PCDH15: variants seen among roughly 807,000 people sequenced by gnomAD.
PCDH15 encodes the protein protocadherin related 15.
Under a neutral mutation model 178.5 loss-of-function variants are expected in PCDH15, and 129 were observed. That is an observed-to-expected ratio of 0.72 (90% CI 0.63 to 0.84). The LOEUF (loss-of-function observed/expected upper bound fraction) is 0.84, where lower values mean the gene tolerates loss of function less well. Among genes scored for constraint, PCDH15 ranks in the 40% least tolerant of loss-of-function variants. PCDH15 has a pLI of 0.00. For missense variants in PCDH15, 2,230 were observed against 2,099.9 expected, an observed-to-expected ratio of 1.06 and a Z score of -1.21; for synonymous variants, 800 against 732.0, an observed-to-expected ratio of 1.09 and a Z score of -1.50.
intron 2 of PCDH15, among the ~76,000 whole-genome samples, chr10:55,116,713 C>G (rs112074169): frequency 2.5e-4 from 38 of 152,190 alleles, no homozygotes; most frequent in African/African-American, 8.2e-4. Context: ...CATGCTACCC[C>G]AAAATATGAC....
At chr10:54,238,103 C>G (rs1466026380) in intron 8 of PCDH15, among the ~76,000 whole-genome samples, 1 of 152,024 alleles carries the variant, frequency 6.6e-6, no homozygotes, top group Non-Finnish European at 1.5e-5. Flanking sequence ...AGGGAAATTC[C>G]ATTACATATT....
chr10:53,900,040 C>T (rs1370767608), intron 26 of PCDH15, among the ~76,000 whole-genome samples: 5 of 152,244 alleles, frequency 3.3e-5, no homozygotes, highest in Admixed American at 3.3e-4. Context: ...TCTAACCACC[C>T]TTCAGTGCTA....
chr10:55,615,633 T>G (rs1333129287), intron 2 of PCDH15, among the ~76,000 whole-genome samples: 2 of 152,148 alleles, frequency 1.3e-5, no homozygotes, highest in Non-Finnish European at 2.9e-5. Context: ...TCTGATAGGC[T>G]GAGGCAATAA....
chr10:54,477,862 C>T (rs1389653152), intron 3 of PCDH15, among the ~76,000 whole-genome samples: 1 of 152,162 alleles, frequency 6.6e-6, no homozygotes, highest in East Asian at 1.9e-4. Flanking sequence ...GGATTACAGG[C>T]ATGAGCTACT....
At chr10:55,024,450 T>C (rs1840425645) in intron 2 of PCDH15, among the ~76,000 whole-genome samples, 1 of 96,788 alleles carries the variant, frequency 1.0e-5, no homozygotes, top group Non-Finnish European at 2.3e-5. Context: ...ATATTATATA[T>C]ATATACACAC....
At chr10:55,622,120 AAT>A (rs1376401128) in intron 2 of PCDH15, among the ~76,000 whole-genome samples, 3 of 66,130 alleles carry the variant, frequency 4.5e-5, no homozygotes, top group Non-Finnish European at 6.5e-5. Context: ...TATATCTATA[AAT>A]ATATATATTA....
chr10:54,308,896 T>C (rs1011197395), intron 8 of PCDH15, among the ~76,000 whole-genome samples: 1 of 152,034 alleles, frequency 6.6e-6, no homozygotes, highest in African/African-American at 2.4e-5. Context: ...TGTGCGATTG[T>C]TGATGGGAAG....
chr10:55,199,784 G>T (rs1453059582), intron 1 of PCDH15, among the ~76,000 whole-genome samples: 1 of 152,078 alleles, frequency 6.6e-6, no homozygotes, highest in African/African-American at 2.4e-5. Flanking sequence ...CTCCAGCCGT[G>T]GCTGAAAGGT....
intron 2 of PCDH15, among the ~76,000 whole-genome samples, chr10:54,989,461 C>T (rs1254373337): frequency 6.6e-6 from 1 of 152,226 alleles, no homozygotes; most frequent in East Asian, 1.9e-4. Flanking sequence ...TGCAAAGCCA[C>T]AGGGGCAGAG....
At chr10:54,038,682 C>T (rs1204219686) in intron 18 of PCDH15, among the ~76,000 whole-genome samples, 2 of 151,886 alleles carry the variant, frequency 1.3e-5, no homozygotes, top group Non-Finnish European at 2.9e-5. Context: ...CTCTTTACTC[C>T]TTCATCCCTA....
chr10:55,197,716 T>C (rs1309145333), intron 1 of PCDH15, among the ~76,000 whole-genome samples: 2 of 152,082 alleles, frequency 1.3e-5, no homozygotes, highest in South Asian at 2.1e-4. Flanking sequence ...AAATAGCAAG[T>C]GTTTATTCCT....
intron 8 of PCDH15, among the ~76,000 whole-genome samples, chr10:54,243,419 A>T (rs563674142): frequency 1.3e-5 from 2 of 152,270 alleles, no homozygotes; most frequent in East Asian, 3.9e-4. Flanking sequence ...AGGCAGGAGA[A>T]TGGCGTGAAC....
At chr10:54,762,681 A>C (rs1424504560) in intron 1 of PCDH15, among the ~76,000 whole-genome samples, 1 of 152,104 alleles carries the variant, frequency 6.6e-6, no homozygotes, top group African/African-American at 2.4e-5. Flanking sequence ...GAAATTCTTA[A>C]GCATTGTAAC....
At chr10:55,067,527 G>T (rs1436919299) in intron 2 of PCDH15, among the ~76,000 whole-genome samples, 1 of 151,838 alleles carries the variant, frequency 6.6e-6, no homozygotes, top group African/African-American at 2.4e-5. Flanking sequence ...TGTGAATAGT[G>T]GTTTGACAAA....
At chr10:54,119,114 G>T (rs192495111) in intron 15 of PCDH15, among the ~76,000 whole-genome samples, 4 of 152,148 alleles carry the variant, frequency 2.6e-5, no homozygotes, top group Admixed American at 6.5e-5. Context: ...ACCACCAAAG[G>T]ATTCCACTAG....
intron 3 of PCDH15, among the ~76,000 whole-genome samples, chr10:54,431,134 G>C (rs1956919681): frequency 6.6e-6 from 1 of 152,046 alleles, no homozygotes; most frequent in Admixed American, 6.6e-5. Flanking sequence ...TCCCGGTAAA[G>C]AAAAGCCCAG....
intron 36 of PCDH15, 60 bp from the exon 37 acceptor site, chr10:53,810,724 T>A (rs912367907): frequency 7.1e-7 from 1 of 1,411,084 alleles, no homozygotes; most frequent in Non-Finnish European, 1.0e-6. Flanking sequence ...GAATCTACCA[T>A]GAGTGATCTG....
chr10:54,498,844 C>T (rs1425425288), intron 3 of PCDH15, among the ~76,000 whole-genome samples: 1 of 152,104 alleles, frequency 6.6e-6, no homozygotes, highest in African/African-American at 2.4e-5. Flanking sequence ...ACAGGCTATA[C>T]AGGAAGCACG....
chr10:54,453,317 A>G (rs1212747765), intron 3 of PCDH15, among the ~76,000 whole-genome samples: 13 of 152,206 alleles, frequency 8.5e-5, no homozygotes, highest in Admixed American at 7.9e-4. Flanking sequence ...ATGGAATACT[A>G]TGCAGCCATA....
Sources: allele counts gnomAD v4.1 joint callset (sites outside exome capture counted in the v4.1 genomes callset), GRCh38; gene constraint gnomAD v4.1.1; transcripts MANE v1.5; gene names NCBI Gene and HGNC (gene_info 2026-07-23, HGNC 2026-07-21).